GFRA2: variants seen among roughly 807,000 people sequenced by gnomAD.
GFRA2 encodes the protein GDNF family receptor alpha-2.
Under a neutral mutation model 48.3 loss-of-function variants are expected in GFRA2, and 17 were observed. The ratio of observed to expected loss-of-function variants is 0.35; its 90% CI spans 0.24 to 0.53. GFRA2 has a LOEUF of 0.53. Among genes scored for constraint, GFRA2 ranks in the 20% least tolerant of loss-of-function variants. The pLI is 0.93. For missense variants in GFRA2, 660 were observed against 637.3 expected (o/e 1.04, Z -0.38); for synonymous variants, 305 against 257.2 (o/e 1.19, Z -1.78).
intron 4 of GFRA2, among the ~76,000 whole-genome samples, chr8:21,712,879 C>T (rs1221695154): frequency 2.6e-5 from 4 of 152,278 alleles, no homozygotes; most frequent in South Asian, 2.1e-4. Context: ...TGGCGGTGCA[C>T]GCCTGCAATC....
At chr8:21,720,886 A>G (rs34812237) in intron 4 of GFRA2, among the ~76,000 whole-genome samples, 23,043 of 152,122 alleles carry the variant, frequency 0.15, 4,687 homozygotes, top group African/African-American at 0.47. Flanking sequence ...GAGTTCCTTC[A>G]GAATAGAAAC....
chr8:21,787,773 T>C (rs1450995581), intron 1 of GFRA2, among the ~76,000 whole-genome samples: 2 of 152,210 alleles, frequency 1.3e-5, no homozygotes, highest in African/African-American at 4.8e-5. Flanking sequence ...TGGATATTTT[T>C]TTTTCTTAAG....
chr8:21,788,984 C>G (rs2117097130), upstream of GFRA2: 1 of 218,036 alleles, frequency 4.6e-6, no homozygotes, highest in South Asian at 1.6e-4. Context: ...GCCAGCGCCC[C>G]TCTCCTCCGC....
chr8:21,775,426 G>C (rs1347366682), intron 2 of GFRA2, among the ~76,000 whole-genome samples: 1 of 152,174 alleles, frequency 6.6e-6, no homozygotes, highest in African/African-American at 2.4e-5. Context: ...TCAATTGCAG[G>C]ATTTGAAGCC....
In GFRA2 at chr8:21,702,816, T is replaced by A; in HGVS notation, c.1207A>T (p.Thr403Ser). Residue 403 changes from threonine (T) to serine (S), a missense_variant, in exon 7 of 9, where the codon ACG becomes TCG. Thr to Ser is a moderately conservative substitution (Grantham distance 58). Transcript: ENST00000524240. ...SLGTSVITTC[T>S]SVQEQGLKAN... ...CCACACACCCTCACCTGGACAGACG[T>A]GCAGGTGGTGATGACACTGGTCCCC... 2 of 1,606,676 alleles carry A rather than the reference T, an allele frequency of 1.2e-6. No homozygotes were observed. The highest frequency in any genetic ancestry group is 1.7e-6 in the Non-Finnish European group (2 of 1,176,460).
At chr8:21,774,794 A>G (rs1806612888) in intron 3 of GFRA2, among the ~76,000 whole-genome samples, 178 bp downstream of exon 3, 1 of 152,178 alleles carries the variant, frequency 6.6e-6, no homozygotes. Flanking sequence ...GCACCCAGGG[A>G]GGTGGGCATC....
chr8:21,739,974 G>C (rs996096017), intron 4 of GFRA2, among the ~76,000 whole-genome samples: 2 of 152,226 alleles, frequency 1.3e-5, no homozygotes, highest in African/African-American at 4.8e-5. Flanking sequence ...AAGCTGAGTT[G>C]GTGGCAGCCA....
chr8:21,780,253 C>A (rs774450473), intron 2 of GFRA2, among the ~76,000 whole-genome samples: 10 of 152,122 alleles, frequency 6.6e-5, no homozygotes, highest in African/African-American at 2.4e-4. Flanking sequence ...ATGGCCGGCA[C>A]GGGGAGCATG....
chr8:21,696,645 G>A (rs942255544), intron 7 of GFRA2, among the ~76,000 whole-genome samples: 12 of 152,116 alleles, frequency 7.9e-5, no homozygotes, highest in African/African-American at 2.9e-4. Context: ...GGCCAGGTGT[G>A]GAGAGAGAGG....
At chr8:21,710,787 G>A (rs567958875) in intron 4 of GFRA2, among the ~76,000 whole-genome samples, 1 of 152,192 alleles carries the variant, frequency 6.6e-6, no homozygotes, top group African/African-American at 2.4e-5. Context: ...CAAAGCGTAC[G>A]GCAAAGTGAA....
At chr8:21,756,303 C>A (rs1000943158) in intron 3 of GFRA2, among the ~76,000 whole-genome samples, 1 of 151,832 alleles carries the variant, frequency 6.6e-6, no homozygotes, top group Admixed American at 6.5e-5. Flanking sequence ...TCCTAGGAAA[C>A]AAAAAAAATC....
intron 4 of GFRA2, among the ~76,000 whole-genome samples, chr8:21,747,074 C>T (rs1033770438): frequency 6.6e-6 from 1 of 152,184 alleles, no homozygotes; most frequent in Non-Finnish European, 1.5e-5. Context: ...AGCTTTTGAG[C>T]GCACCCAGCC....
chr8:21,787,654 C>T (rs1051468704), intron 1 of GFRA2, among the ~76,000 whole-genome samples: 31 of 152,214 alleles, frequency 2.0e-4, no homozygotes, highest in Non-Finnish European at 3.5e-4. Flanking sequence ...AAACCCGCGC[C>T]CTCCACCACG....
At position 21,788,338 on chromosome 8, in the gene GFRA2, G is replaced by A. The variant is rs1037924850; in HGVS notation, c.-179C>T. ...CTGCGATTCTCGCCTCTGGCTGGAG[G>A]GGGTGGGGTGAGAGGCGGGCGATGG... On this transcript the variant is annotated 5_prime_UTR_variant, in exon 1 of 9. Coordinates refer to ENST00000524240, the MANE Select transcript of GFRA2 (RefSeq NM_001495.5). 1.4e-5 allele frequency: 19 copies of A among 1,368,132 alleles called. No individual in the cohort carries two copies. The East Asian group carries it at 1.5e-4, about 11-fold the overall frequency. 84.7% of individuals were successfully genotyped at this position (1,368,132 alleles called of 1,614,324 possible).
chr8:21,777,398 T>TG (rs1806758981), intron 2 of GFRA2, among the ~76,000 whole-genome samples: 1 of 68,122 alleles, frequency 1.5e-5, no homozygotes, highest in African/African-American at 6.9e-5. Context: ...GTCTGATTAA[T>TG]GGGGTGGGGG....
upstream of GFRA2, among the ~76,000 whole-genome samples, chr8:21,790,957 G>T (rs1343023276): frequency 6.6e-6 from 1 of 152,044 alleles, no homozygotes; most frequent in Non-Finnish European, 1.5e-5. Context: ...CTAAATGAAT[G>T]TCCCCCCTCT....
rs969712326 is a variant in GFRA2, at chr8:21,690,983, C to A, written c.*2295G>T. On this transcript the variant is annotated 3_prime_UTR_variant, in exon 9 of 9. Coordinates refer to ENST00000524240, the MANE Select transcript of GFRA2 (RefSeq NM_001495.5). ...CCGCAATGGCTGGACAGAGACCTGG[C>A]TGGCTCACTGTACCCCTTCCATGCA... 2.6e-5 allele frequency: 4 copies of A among 152,260 alleles called. No homozygotes were observed. The highest frequency in any genetic ancestry group is 7.2e-5 in the African/African-American group (3 of 41,454). 9.4% of individuals were successfully genotyped at this position (152,260 alleles called of 1,614,324 possible).
intron 2 of GFRA2, among the ~76,000 whole-genome samples, chr8:21,797,287 CT>C (rs1159867192): frequency 0.012 from 1,027 of 85,612 alleles, 2 homozygotes; most frequent in East Asian, 0.02. Context: ...CCTTTCTTTG[CT>C]TTTTTTTTTT....
At chr8:21,768,362 G>A (rs1407906779) in intron 3 of GFRA2, among the ~76,000 whole-genome samples, 1 of 152,228 alleles carries the variant, frequency 6.6e-6, no homozygotes, top group Non-Finnish European at 1.5e-5. Context: ...GAGCCACCAT[G>A]AAGGGGGCAG....
Sources: gnomAD v4.1 joint callset for allele counts (sites outside exome capture counted in the v4.1 genomes callset) on GRCh38, gnomAD v4.1.1 for gene constraint, MANE v1.5 for transcripts, NCBI Gene and HGNC (gene_info 2026-07-23, HGNC 2026-07-21) for gene names.